Variants in MYCBP observed in about 807,000 individuals in gnomAD.
The protein encoded by MYCBP is C-Myc-binding protein.
In MYCBP, 5 loss-of-function variants were observed where a neutral mutation model predicts 16.8. The ratio of observed to expected loss-of-function variants is 0.30; its 90% CI spans 0.16 to 0.63. MYCBP has a LOEUF of 0.63. Among genes scored for constraint, MYCBP ranks in the 20% least tolerant of loss-of-function variants. The probability of loss-of-function intolerance (pLI) is 0.83; values close to 1 mark genes in which losing one functional copy is unlikely to be tolerated. For missense variants in MYCBP, 103 were observed against 121.8 expected (o/e 0.85, Z 0.73); for synonymous variants, 35 against 43.7 (o/e 0.80, Z 0.79).
Position 38,873,095 on chromosome 1 carries a change from A to G in MYCBP, c.16-5T>C. 1 of 1,558,432 alleles carries G rather than the reference A, an allele frequency of 6.4e-7. No individual in the cohort carries two copies. The highest frequency in any genetic ancestry group is 8.7e-7 in the Non-Finnish European group (1 of 1,151,142). ...CTCACGCTTCGAGTCGGCGGCCTGA[A>G]GAGACACCGGGGGTCAGTGGCCAGA... On this transcript the variant is annotated splice_region_variant and splice_polypyrimidine_tract_variant and intron_variant, in intron 1 of 4. Coordinates refer to ENST00000397572, the MANE Select transcript of MYCBP (RefSeq NM_012333.5).
chr1:38,867,433 C>T, intron 3 of MYCBP, 129 bp downstream of exon 3: 1 of 783,108 alleles, frequency 1.3e-6, no homozygotes, highest in Middle Eastern at 4.0e-4. Flanking sequence ...GGTGACAGTA[C>T]AAGACTCCGT....
intron 4 of MYCBP, among the ~76,000 whole-genome samples, chr1:38,865,007 G>A (rs1267533406): frequency 2.6e-5 from 4 of 152,206 alleles, no homozygotes; most frequent in Admixed American, 6.5e-5. Context: ...TCTTCCCAAA[G>A]ATTCATTTGC....
chr1:38,868,153 C>T (rs1642379548), intron 2 of MYCBP, among the ~76,000 whole-genome samples: 1 of 152,096 alleles, frequency 6.6e-6, no homozygotes, highest in African/African-American at 2.4e-5. Flanking sequence ...CTATGTGGAC[C>T]AGCTGGAGTG....
intron 2 of MYCBP, among the ~76,000 whole-genome samples, chr1:38,868,627 T>C (rs372863563): frequency 1.9e-3 from 284 of 152,204 alleles, no homozygotes; most frequent in Non-Finnish European, 2.0e-3. Context: ...AAAATGTGGC[T>C]GGGCGCAGTG....
chr1:38,867,527 T>G (rs1368565676), intron 3 of MYCBP, 35 bp downstream of exon 3: 2 of 1,571,060 alleles, frequency 1.3e-6, no homozygotes, highest in Non-Finnish European at 1.7e-6. Flanking sequence ...AATAAGAGTT[T>G]CAAAATAAAG....
At chr1:38,866,648 C>T (rs1321241232) in intron 4 of MYCBP, among the ~76,000 whole-genome samples, 2 of 152,026 alleles carry the variant, frequency 1.3e-5, no homozygotes, top group Admixed American at 6.6e-5. Flanking sequence ...AACTCTTGAC[C>T]TCGTGATCTA....
rs1334316343 is a variant in MYCBP, at chr1:38,864,699, G to T, written c.283C>A (p.Pro95Thr). ...TCAGCACGCTTCTCCTCCTGAGGTG[G>T]TTCATACTGAGCAAGCTATGGGGCA... ...KLKAKLAQYEPPQEEKRAE is the reference protein window; with the variant it reads ...KLKAKLAQYETPQEEKRAE The change falls in exon 5 of 5, where the codon CCA becomes ACA. Residue 95 changes from proline to threonine, a missense_variant. Coordinates refer to ENST00000397572, the MANE Select transcript of MYCBP (RefSeq NM_012333.5). The T allele has an allele frequency of 1.2e-6, 2 of 1,613,906 alleles. No homozygotes were observed. Among genetic ancestry groups the T allele is most frequent in the Non-Finnish European group, 1.7e-6 (2 of 1,179,866 alleles).
chr1:38,865,819 T>C (rs1482255394), intron 4 of MYCBP, among the ~76,000 whole-genome samples: 2 of 151,972 alleles, frequency 1.3e-5, no homozygotes, highest in Non-Finnish European at 2.9e-5. Flanking sequence ...GAAAAAACTT[T>C]AGCACTAGAT....
In MYCBP at chr1:38,873,084, C is replaced by A. The variant is rs569680848; in HGVS notation, c.22G>T (p.Asp8Tyr). 6.4e-7 allele frequency: 1 copy of A among 1,560,860 alleles called. No homozygotes were observed. Among genetic ancestry groups the A allele is most frequent in the Non-Finnish European group, 8.7e-7 (1 of 1,152,454 alleles). ...CTCCGGAACTGCTCACGCTTCGAGT[C>A]GGCGGCCTGAAGAGACACCGGGGGT... MAHYKAA[D>Y]SKREQFRRYL... Residue 8 changes from aspartate to tyrosine, a missense_variant, in exon 2 of 5, where the codon GAC becomes TAC. Physicochemically the swap from Asp to Tyr is radical, Grantham distance 160. Transcript: ENST00000397572.
chr1:38,871,800 C>T (rs1642472658), intron 2 of MYCBP, among the ~76,000 whole-genome samples: 2 of 152,114 alleles, frequency 1.3e-5, no homozygotes, highest in South Asian at 2.1e-4. Context: ...TTATGTATTT[C>T]TCTCCCTCAA....
At chr1:38,871,742 T>C (rs944263504) in intron 2 of MYCBP, among the ~76,000 whole-genome samples, 8 of 152,230 alleles carry the variant, frequency 5.3e-5, no homozygotes, top group African/African-American at 1.9e-4. Flanking sequence ...CTAACTTTGC[T>C]GTATTTTTAT....
intron 4 of MYCBP, among the ~76,000 whole-genome samples, 187 bp downstream of exon 4, chr1:38,866,693 G>A (rs905889218): frequency 1.7e-4 from 26 of 152,316 alleles, no homozygotes; most frequent in African/African-American, 6.3e-4. Context: ...GGGATTACAG[G>A]CGTAAGCCAC....
In MYCBP at chr1:38,864,820, TG is replaced by T. The variant is rs1377687799; in HGVS notation, c.268-107del. ...TTCAACTTAGTTACTGTCAGTAAAT[TG>T]TATTAATATCAGTTTCTATAACTAT... is the stretch of plus-strand genomic sequence containing the variant. On this transcript the variant is annotated intron_variant, in intron 4 of 4. Transcript: ENST00000397572. 6.2e-6 allele frequency: 6 copies of T among 969,550 alleles called. No homozygotes were observed. The African/African-American group carries it at 9.8e-5, about 16-fold the overall frequency. 60.1% of individuals were successfully genotyped at this position (969,550 alleles called of 1,614,324 possible). A position where few individuals can be genotyped will look rare whatever the true frequency, so the allele number is the denominator to read the frequency against.
chr1:38,868,838 G>A (rs540863126), intron 2 of MYCBP, among the ~76,000 whole-genome samples: 24 of 152,060 alleles, frequency 1.6e-4, no homozygotes, highest in Admixed American at 3.3e-4. Context: ...CCCAGGAGGC[G>A]GAGCTTGCAG....
intron 2 of MYCBP, among the ~76,000 whole-genome samples, chr1:38,868,644 A>G (rs528139740): frequency 8.7e-4 from 132 of 152,232 alleles, no homozygotes; most frequent in South Asian, 3.1e-3. Flanking sequence ...AGTGGCTCAC[A>G]CCTGTAATCC....
chr1:38,866,695 G>A (rs1057108475), intron 4 of MYCBP, among the ~76,000 whole-genome samples, 185 bp downstream of exon 4: 2 of 152,186 alleles, frequency 1.3e-5, no homozygotes, highest in African/African-American at 2.4e-5. Context: ...GATTACAGGC[G>A]TAAGCCACCG....
rs959470255 is a variant in MYCBP, at chr1:38,863,277, T to C, written c.*1393A>G. 4 of 152,242 alleles carry C rather than the reference T, an allele frequency of 2.6e-5. No homozygotes were observed. Among genetic ancestry groups the C allele is most frequent in the African/African-American group, 9.6e-5 (4 of 41,468 alleles). The allele number at this position is 152,242 out of a possible 1,614,324, so 9.4% of individuals were successfully genotyped here. On this transcript the variant is annotated 3_prime_UTR_variant, in exon 5 of 5. Transcript: ENST00000397572. Reference sequence around the variant, plus strand: ...TGGCTTGGTCATAGTCTCCAACAGGTGCCAAGGCTTTTGCTAGTTAAACCA... The same window carrying C: ...TGGCTTGGTCATAGTCTCCAACAGGCGCCAAGGCTTTTGCTAGTTAAACCA...
At chr1:38,864,775 A>G (rs1642303459) in intron 4 of MYCBP, 61 bp from the exon 5 acceptor site, 1 of 1,489,548 alleles carries the variant, frequency 6.7e-7, no homozygotes, top group African/African-American at 1.4e-5. Context: ...AAAAAATAGT[A>G]AAACAAGGTA....
chr1:38,869,937 G>T (rs951244213), intron 2 of MYCBP, among the ~76,000 whole-genome samples: 7 of 152,000 alleles, frequency 4.6e-5, no homozygotes, highest in African/African-American at 1.7e-4. Flanking sequence ...GGTAGGCCGA[G>T]GCAGGCAGAT....
Sources: gnomAD v4.1 joint callset for allele counts (sites outside exome capture counted in the v4.1 genomes callset) on GRCh38, gnomAD v4.1.1 for gene constraint, MANE v1.5 for transcripts, NCBI Gene and HGNC (gene_info 2026-07-23, HGNC 2026-07-21) for gene names.